Variants in HTRA1 observed in about 807,000 individuals in gnomAD.
HTRA1 encodes the protein HtrA serine peptidase 1.
Under a neutral mutation model 49.7 loss-of-function variants are expected in HTRA1, and 26 were observed. The observed-to-expected ratio is 0.52, with a 90% CI of 0.38 to 0.73. HTRA1 has a LOEUF of 0.73. Among genes scored for constraint, HTRA1 ranks in the 30% least tolerant of loss-of-function variants. The pLI is 0.00. For missense variants in HTRA1, 561 were observed against 667.2 expected (o/e 0.84, Z 1.75); for synonymous variants, 291 against 286.9 (o/e 1.01, Z -0.14).
At position 122,506,957 on chromosome 10, in the gene HTRA1, C is replaced by A; in HGVS notation, c.972+72C>A. 2.2e-6 allele frequency: 3 copies of A among 1,347,968 alleles called. No individual in the cohort carries two copies. The highest frequency in any genetic ancestry group is 2.1e-6 in the Non-Finnish European group (2 of 953,048). 83.5% of individuals were successfully genotyped at this position (1,347,968 alleles called of 1,614,324 possible). On this transcript the variant is annotated intron_variant, in intron 4 of 8. Transcript: ENST00000368984. This position sits in a 1 kb window ranked among gnomAD's most constrained non-coding sequence, Gnocchi z 5.2. ...CAGGGGGAGAGGAGTCAGCATAGGT[C>A]TTAGCCCCTGACTTTGTTGTAGTCT...
rs1381738160 is a variant in HTRA1, at chr10:122,506,596, C to T, written c.778-95C>T. ...CCGGGCCTGGTGTTTCCAAATAGCC[C>T]GTCACTGTCCCTGCTTGGTTTTCCA... is the stretch of plus-strand genomic sequence containing the variant. On this transcript the variant is annotated intron_variant, in intron 3 of 8. Coordinates refer to ENST00000368984, the MANE Select transcript of HTRA1 (RefSeq NM_002775.5). This position sits in a 1 kb window ranked among gnomAD's most constrained non-coding sequence, Gnocchi z 5.2. The T allele has an allele frequency of 1.0e-5, 11 of 1,094,392 alleles. No individual in the cohort carries two copies. The highest frequency in any genetic ancestry group is 6.3e-5 in the South Asian group (5 of 79,648). The allele number at this position is 1,094,392 out of a possible 1,614,324, so 67.8% of individuals were successfully genotyped here.
chr10:122,488,920 G>T lies in HTRA1; in HGVS notation c.491G>T (p.Ser164Ile). The T allele has an allele frequency of 1.2e-6, 2 of 1,614,110 alleles. No individual in the cohort carries two copies. Among genetic ancestry groups the T allele is most frequent in the Non-Finnish European group, 1.7e-6 (2 of 1,179,924 alleles). ...TTCTCAGGGCAGGAAGATCCCAACA[G>T]TTTGCGCCATAAATATAACTTTATC... is the stretch of plus-strand genomic sequence containing the variant. ...ACGQGQEDPN[S>I]LRHKYNFIAD... is the part of the protein sequence containing the mutation. Residue 164 changes from serine (S) to isoleucine (I), a missense_variant, in exon 2 of 9, where the codon AGT becomes ATT. Physicochemically the swap from Ser to Ile is moderately radical, Grantham distance 142. Transcript: ENST00000368984.
chr10:122,508,429 C>G (rs1489420718), intron 5 of HTRA1, among the ~76,000 whole-genome samples: 1 of 152,224 alleles, frequency 6.6e-6, no homozygotes, highest in Non-Finnish European at 1.5e-5. Context: ...AGGTGAGCAC[C>G]CAGTGCCGAC....
Position 122,489,403 on chromosome 10 carries a change from G to A in HTRA1, c.573-19G>A, listed in dbSNP as rs1353912635. ...TTTAAGGTGCTACAGGCTTAAGTGT[G>A]TACTCCTTTGGATTTTAGGCTTCCG... On this transcript the variant is annotated intron_variant, in intron 2 of 8. Transcript: ENST00000368984. 1.2e-6 allele frequency: 2 copies of A among 1,611,344 alleles called. No individual in the cohort carries two copies. Among genetic ancestry groups the A allele is most frequent in the Admixed American group, 1.7e-5 (1 of 60,024 alleles).
intron 1 of HTRA1, among the ~76,000 whole-genome samples, chr10:122,475,053 G>A (rs897479569): frequency 1.3e-5 from 2 of 152,180 alleles, no homozygotes; most frequent in African/African-American, 4.8e-5. Context: ...ACAGTGAGGG[G>A]TTCACAGCCA....
chr10:122,503,461 CA>C (rs1256276868), intron 3 of HTRA1, among the ~76,000 whole-genome samples: 1 of 152,200 alleles, frequency 6.6e-6, no homozygotes, highest in Non-Finnish European at 1.5e-5. Context: ...CCGTGACCCC[CA>C]AAAGGCAGCT....
chr10:122,476,494 G>A (rs755902238), intron 1 of HTRA1, among the ~76,000 whole-genome samples: 12 of 152,250 alleles, frequency 7.9e-5, no homozygotes, highest in Non-Finnish European at 1.5e-5. Context: ...GTCCAGAGGG[G>A]TGGAGCCCAC....
chr10:122,465,674 C>A (rs2097483485), intron 1 of HTRA1, among the ~76,000 whole-genome samples: 3 of 152,280 alleles, frequency 2.0e-5, no homozygotes, highest in Admixed American at 2.0e-4. Context: ...GGCTCAGGAG[C>A]CTGAAGACAA....
In HTRA1 at chr10:122,507,000, T is replaced by C; in HGVS notation, c.972+115T>C. The C allele has an allele frequency of 2.2e-6, 2 of 929,782 alleles. No individual in the cohort carries two copies. The highest frequency in any genetic ancestry group is 2.8e-5 in the South Asian group (2 of 71,410). The allele number at this position is 929,782 out of a possible 1,614,324, so 57.6% of individuals were successfully genotyped here. ...TGTAGTCTGCGTGAAGGGATGGAACTAGACCAAGCCATGTGGATTCTAGTG... is the reference window on the plus strand; with the variant it reads ...TGTAGTCTGCGTGAAGGGATGGAACCAGACCAAGCCATGTGGATTCTAGTG... On this transcript the variant is annotated intron_variant, in intron 4 of 8. Transcript: ENST00000368984. This position sits in a 1 kb window ranked among gnomAD's most constrained non-coding sequence, Gnocchi z 5.2.
chr10:122,468,493 C>T (rs2097484752), intron 1 of HTRA1, among the ~76,000 whole-genome samples: 1 of 145,430 alleles, frequency 6.9e-6, no homozygotes, highest in African/African-American at 2.5e-5. Context: ...TGCTGGGACA[C>T]TCTTGTCTCC....
intron 1 of HTRA1, among the ~76,000 whole-genome samples, chr10:122,482,044 G>A (rs2097491249): frequency 6.6e-6 from 1 of 151,996 alleles, no homozygotes; most frequent in Admixed American, 6.6e-5. Context: ...TTTTTTCATG[G>A]TCCCCAGTAA....
At chr10:122,512,903 C>T (rs1359821770) in intron 8 of HTRA1, among the ~76,000 whole-genome samples, 1 of 152,036 alleles carries the variant, frequency 6.6e-6, no homozygotes, top group Non-Finnish European at 1.5e-5. Context: ...ATTCTTATGC[C>T]TTTGTGTCCT....
chr10:122,499,735 G>A (rs1174838468), intron 3 of HTRA1, among the ~76,000 whole-genome samples: 3 of 152,182 alleles, frequency 2.0e-5, no homozygotes, highest in African/African-American at 4.8e-5. Flanking sequence ...TGGGTATGGA[G>A]GATGTGCTAT....
chr10:122,499,723 G>A (rs12413743), intron 3 of HTRA1, among the ~76,000 whole-genome samples: 4,362 of 152,282 alleles, frequency 0.029, 114 homozygotes, highest in East Asian at 0.14. Context: ...ACTGTTTCTT[G>A]CTGGGTATGG....
intron 1 of HTRA1, among the ~76,000 whole-genome samples, chr10:122,483,271 T>C (rs184377366): frequency 1.3e-4 from 20 of 152,318 alleles, no homozygotes; most frequent in African/African-American, 4.1e-4. Context: ...TGACTAGTAG[T>C]TTATAAAGAG....
intron 1 of HTRA1, among the ~76,000 whole-genome samples, chr10:122,466,874 G>T (rs753711824): frequency 7.2e-5 from 11 of 152,152 alleles, no homozygotes; most frequent in Non-Finnish European, 1.3e-4. Context: ...GCTCTGGTCG[G>T]CTGCCTTCTT....
intron 8 of HTRA1, among the ~76,000 whole-genome samples, chr10:122,512,538 C>T (rs2097506093): frequency 6.6e-6 from 1 of 152,172 alleles, no homozygotes; most frequent in South Asian, 2.1e-4. Flanking sequence ...AGAAGTAGCT[C>T]AACCATCCAT....
Position 122,461,725 on chromosome 10 carries a change from T to C in HTRA1, c.73T>C (p.Ser25Pro), listed in dbSNP as rs1287832329. ...GGCGGCGCCCGCCTCGGCGCAGCTG[T>C]CCCGGGCCGGCCGCTCGGCGCCTTT... The part of the protein sequence containing the change: ...LLAAPASAQL[S>P]RAGRSAPLAA... Residue 25 changes from serine to proline, a missense_variant, in exon 1 of 9, where the codon TCC becomes CCC. By Grantham distance (74) the Ser-to-Pro change is moderately conservative. Coordinates refer to ENST00000368984, the MANE Select transcript of HTRA1 (RefSeq NM_002775.5). The C allele has an allele frequency of 2.8e-5, 33 of 1,193,146 alleles. No homozygotes were observed. The highest frequency in any genetic ancestry group is 3.4e-5 in the Non-Finnish European group (32 of 950,984). The allele number at this position is 1,193,146 out of a possible 1,614,324, so 73.9% of individuals were successfully genotyped here.
At chr10:122,478,239 G>A (rs192965216) in intron 1 of HTRA1, among the ~76,000 whole-genome samples, 2 of 152,186 alleles carry the variant, frequency 1.3e-5, no homozygotes, top group Non-Finnish European at 2.9e-5. Flanking sequence ...GTGAGGAAGC[G>A]TCAGCATGAG....
Sources: allele counts gnomAD v4.1 joint callset (sites outside exome capture counted in the v4.1 genomes callset), GRCh38; gene constraint gnomAD v4.1.1; non-coding constraint Gnocchi (gnomAD v3.1); transcripts MANE v1.5; gene names NCBI Gene and HGNC (gene_info 2026-07-23, HGNC 2026-07-21).